Variants in ZRANB1 observed in about 807,000 individuals in gnomAD.
ZRANB1 encodes ubiquitin thioesterase ZRANB1.
ZRANB1 carries 16 observed loss-of-function variants against 80.5 expected under a neutral mutation model. The ratio of observed to expected loss-of-function variants is 0.20; its 90% confidence interval spans 0.13 to 0.30. The LOEUF is 0.30. Ranked by LOEUF, ZRANB1 falls within the 10% of genes least tolerant of loss-of-function variation. The pLI is 1.00. For missense variants in ZRANB1, 576 were observed against 862.6 expected (o/e 0.67, Z 4.16); for synonymous variants, 291 against 293.1 (o/e 0.99, Z 0.07).
intron 1 of ZRANB1, among the ~76,000 whole-genome samples, chr10:124,953,644 C>T (rs1036570860): frequency 6.6e-6 from 1 of 152,192 alleles, no homozygotes; most frequent in African/African-American, 2.4e-5. Context: ...GTTTGCTCTG[C>T]TCATGTTGGC....
intron 1 of ZRANB1, chr10:124,945,434 T>C (rs1238592622): frequency 8.1e-5 from 10 of 123,872 alleles, no homozygotes; most frequent in South Asian, 2.4e-4. Context: ...TTTTTTTTTT[T>C]CAGGGAGTAG....
upstream of ZRANB1, among the ~76,000 whole-genome samples, chr10:124,938,193 A>G (rs1488847047): frequency 6.6e-6 from 1 of 152,168 alleles, no homozygotes; most frequent in African/African-American, 2.4e-5. Context: ...ATGTTTTGAC[A>G]TCTGGAAAAA....
the ZRANB1 span, among the ~76,000 whole-genome samples, chr10:124,917,918 G>A: frequency 3.9e-5 from 6 of 152,274 alleles, no homozygotes; most frequent in African/African-American, 1.4e-4. Flanking sequence ...CAAAAGAACT[G>A]TAGTGAATGC....
the ZRANB1 span, among the ~76,000 whole-genome samples, chr10:124,926,723 C>T: frequency 7.6e-3 from 1,159 of 152,100 alleles, 13 homozygotes; most frequent in African/African-American, 0.027. Context: ...TCAGATATTA[C>T]GTACTGTATA....
intron 1 of ZRANB1, among the ~76,000 whole-genome samples, chr10:124,965,951 T>C (rs1450183250): frequency 2.0e-5 from 3 of 152,206 alleles, no homozygotes; most frequent in Non-Finnish European, 4.4e-5. Context: ...TAATGTTTTA[T>C]TTTAGCGTAT....
Position 124,942,222 on chromosome 10 carries a change from G to A in ZRANB1, c.-272G>A. ...GTTATATCTCCTGCCTATCTCTTTT[G>A]CATTCCAAAGTTCAGTTTTATTAAA... is the stretch of plus-strand genomic sequence containing the variant. On this transcript the variant is annotated 5_prime_UTR_variant, in exon 1 of 9. Transcript: ENST00000359653. 3 of 1,260,348 alleles carry A rather than the reference G, an allele frequency of 2.4e-6. No individual in the cohort carries two copies. The highest frequency in any genetic ancestry group is 3.0e-6 in the Non-Finnish European group (3 of 998,042). The allele number at this position is 1,260,348 out of a possible 1,614,324, so 78.1% of individuals were successfully genotyped here.
rs1589863178 is a variant in ZRANB1, at chr10:124,987,532, C to T, written c.*2540C>T. ...AAGATATTCTGTGTGCGCTTGGCCT[C>T]CTTTTCACGCATATTTCATTGCCTC... On this transcript the variant is annotated 3_prime_UTR_variant, in exon 9 of 9. Coordinates refer to ENST00000359653, the MANE Select transcript of ZRANB1 (RefSeq NM_017580.3). 6.6e-6 allele frequency: 1 copy of T among 152,290 alleles called. No homozygotes were observed. The highest frequency in any genetic ancestry group is 1.5e-5 in the Non-Finnish European group (1 of 68,036). The allele number at this position is 152,290 out of a possible 1,614,324, so 9.4% of individuals were successfully genotyped here.
At chr10:124,979,711 A>T (rs1951916168) in intron 5 of ZRANB1, among the ~76,000 whole-genome samples, 1 of 152,134 alleles carries the variant, frequency 6.6e-6, no homozygotes, top group Non-Finnish European at 1.5e-5. Context: ...AAAGTGTGAG[A>T]TGTCCTAAAT....
Position 124,971,977 on chromosome 10 carries a change from G to T in ZRANB1, c.1015G>T (p.Ala339Ser). Residue 339 changes from alanine to serine, a missense_variant, in exon 3 of 9, where the codon GCA (alanine) becomes TCA (serine). Coordinates refer to ENST00000359653, the MANE Select transcript of ZRANB1 (RefSeq NM_017580.3). ...TTTTGTATTTAAGGTGTCTCAACAA[G>T]CAGCAAAGTGTATTCCAGCAATGGT... ...AILLTEVSQQ[A>S]AKCIPAMVCP... 1 of 1,595,776 alleles carries T rather than the reference G, an allele frequency of 6.3e-7. No individual in the cohort carries two copies. The highest frequency in any genetic ancestry group is 8.5e-7 in the Non-Finnish European group (1 of 1,171,984).
the ZRANB1 span, among the ~76,000 whole-genome samples, chr10:124,932,273 G>A: frequency 4.7e-5 from 7 of 150,022 alleles, no homozygotes; most frequent in Admixed American, 4.8e-4. Flanking sequence ...CACTATACGG[G>A]TGTAAAGATT....
chr10:124,969,506 G>A (rs11245450), intron 2 of ZRANB1, among the ~76,000 whole-genome samples: 54,421 of 151,900 alleles, frequency 0.36, 11,186 homozygotes, highest in East Asian at 0.73. Context: ...ATTAGAGTTG[G>A]GGATATGTAT....
At chr10:124,917,181 TGCC>T in the ZRANB1 span, 469 of 166,590 alleles carry the variant, frequency 2.8e-3, 1 homozygote, top group Middle Eastern at 5.6e-3. Context: ...GAGTCGCCGC[TGCC>T]GCCGCCGCCG....
At chr10:124,971,462 A>G (rs764550516) in intron 2 of ZRANB1, among the ~76,000 whole-genome samples, 1 of 152,224 alleles carries the variant, frequency 6.6e-6, no homozygotes, top group Non-Finnish European at 1.5e-5. Context: ...ATGGAGAGGA[A>G]GAAAGGGCTT....
intron 1 of ZRANB1, among the ~76,000 whole-genome samples, chr10:124,965,097 G>A (rs1338363062): frequency 4.0e-5 from 6 of 151,626 alleles, no homozygotes; most frequent in Non-Finnish European, 7.4e-5. Context: ...AAGATTTATA[G>A]CCTTTATCTC....
At chr10:124,954,840 G>A (rs1421932701) in intron 1 of ZRANB1, among the ~76,000 whole-genome samples, 4 of 151,256 alleles carry the variant, frequency 2.6e-5, no homozygotes, top group Non-Finnish European at 4.4e-5. Context: ...CTTTAAAACC[G>A]TCTAATTGGC....
chr10:124,929,813 G>C, the ZRANB1 span, among the ~76,000 whole-genome samples: 1 of 151,950 alleles, frequency 6.6e-6, no homozygotes, highest in East Asian at 2.0e-4. Flanking sequence ...GGGTTTGGTG[G>C]CACACGCCTG....
In ZRANB1 at chr10:124,986,910, C is replaced by G. The variant is rs1025656560; in HGVS notation, c.*1918C>G. On this transcript the variant is annotated 3_prime_UTR_variant, in exon 9 of 9. Coordinates refer to ENST00000359653, the MANE Select transcript of ZRANB1 (RefSeq NM_017580.3). ...CGTTGTCCAGAGTACACGCTCAGCA[C>G]TTAGCTTCTACTGTGTGTTGTGGTC... 2 of 152,354 alleles carry G rather than the reference C, an allele frequency of 1.3e-5. No homozygotes were observed. The highest frequency in any genetic ancestry group is 4.8e-5 in the African/African-American group (2 of 41,448). 9.4% of individuals were successfully genotyped at this position (152,354 alleles called of 1,614,324 possible).
chr10:124,927,625 A>G, the ZRANB1 span, among the ~76,000 whole-genome samples: 16 of 152,244 alleles, frequency 1.1e-4, no homozygotes, highest in African/African-American at 1.2e-4. Context: ...TTAATAAGCA[A>G]TGTTTACATG....
At chr10:124,949,241 T>G (rs1483838719) in intron 1 of ZRANB1, among the ~76,000 whole-genome samples, 2 of 152,114 alleles carry the variant, frequency 1.3e-5, no homozygotes, top group Non-Finnish European at 2.9e-5. Context: ...CTTGAAATAT[T>G]TTATTCAGTT....
Sources: allele counts gnomAD v4.1 joint callset (sites outside exome capture counted in the v4.1 genomes callset), GRCh38; gene constraint gnomAD v4.1.1; transcripts MANE v1.5; gene names NCBI Gene and HGNC (gene_info 2026-07-23, HGNC 2026-07-21).